The following ATP10B variants were observed in gnomAD, a reference collection of about 807,000 sequenced individuals.
ATP10B encodes the protein phospholipid-transporting ATPase VB.
ATP10B carries 122 observed loss-of-function variants against 141.2 expected under a neutral mutation model. The observed-to-expected ratio is 0.86, with a 90% CI of 0.75 to 1.00. The LOEUF is 1.00. Ranked by LOEUF, ATP10B falls within the 50% of genes least tolerant of loss-of-function variation. The pLI is 0.00. For missense variants in ATP10B, 1,876 were observed against 1,825.3 expected, an observed-to-expected ratio of 1.03 and a Z score of -0.51; for synonymous variants, 685 against 692.0, an observed-to-expected ratio of 0.99 and a Z score of 0.16.
rs201774163 is a variant in ATP10B, at chr5:160,580,697, CT to C, written c.3750+8894del. Among the ~76,000 whole-genome samples, 1,107 of 152,262 alleles carry C rather than the reference CT, an allele frequency of 7.3e-3. 13 individuals carry two copies. Among genetic ancestry groups the C allele is most frequent in the African/African-American group, 0.024 (1,000 of 41,548 alleles). On this transcript the variant is annotated intron_variant, in intron 24 of 25. Coordinates refer to ENST00000327245, the MANE Select transcript of ATP10B (RefSeq NM_025153.3). ...TAAAATGAGTTAGGGAGGAGTCCCTCTTTTTTTATTGTTTGGAATAGTTTCA... is the reference window on the plus strand; with the variant it reads ...TAAAATGAGTTAGGGAGGAGTCCCTCTTTTTTATTGTTTGGAATAGTTTCA...
chr5:160,629,540 G>C (rs1758798596), intron 13 of ATP10B, among the ~76,000 whole-genome samples: 1 of 152,114 alleles, frequency 6.6e-6, no homozygotes, highest in Non-Finnish European at 1.5e-5. Context: ...TCAGGGGAGA[G>C]AGTTCAACAA....
intron 21 of ATP10B, 95 bp downstream of exon 21, chr5:160,602,482 T>C (rs761847373): frequency 5.2e-6 from 8 of 1,544,288 alleles, no homozygotes; most frequent in Admixed American, 1.8e-5. Flanking sequence ...CTCCTTCCTT[T>C]ATGCTGAGGT....
intron 25 of ATP10B, 99 bp downstream of exon 25, chr5:160,569,397 G>A (rs1348370110): frequency 8.7e-7 from 1 of 1,155,446 alleles, no homozygotes; most frequent in East Asian, 2.5e-5. Flanking sequence ...CCTCAAGGAT[G>A]CCAGCAGAAG....
chr5:160,573,772 G>T (rs1312188519), intron 24 of ATP10B, among the ~76,000 whole-genome samples: 2 of 152,126 alleles, frequency 1.3e-5, no homozygotes, highest in Non-Finnish European at 2.9e-5. Context: ...CAAAAAGGTT[G>T]GGGACCACTG....
chr5:160,586,955 G>A (rs570970020), intron 24 of ATP10B, among the ~76,000 whole-genome samples: 2 of 152,194 alleles, frequency 1.3e-5, no homozygotes, highest in South Asian at 2.1e-4. Flanking sequence ...ATGTGCAGAA[G>A]CTCTTTAGTT....
chr5:160,878,248 TC>T, the ATP10B span, among the ~76,000 whole-genome samples: 1 of 151,422 alleles, frequency 6.6e-6, no homozygotes, highest in Admixed American at 6.6e-5. Flanking sequence ...AACTATCTGA[TC>T]TTTGACAAAC....
intron 1 of ATP10B, among the ~76,000 whole-genome samples, chr5:160,787,105 GACACACACACACACAC>G (rs58517660): frequency 0.038 from 5,076 of 133,642 alleles, 230 homozygotes; most frequent in East Asian, 0.24. Context: ...TTTTGACACA[GACACACACACACACAC>G]ACACACACAC....
At chr5:160,804,141 A>C (rs543364358) in intron 1 of ATP10B, among the ~76,000 whole-genome samples, 1 of 152,286 alleles carries the variant, frequency 6.6e-6, no homozygotes, top group Admixed American at 6.5e-5. Context: ...ATTTGGCCAA[A>C]TAGCTACTTC....
Position 160,686,243 on chromosome 5 carries a change from C to T in ATP10B, c.306G>A (p.Val102=). The change falls in exon 6 of 26, where the codon GTG becomes GTA. Residue 102 remains valine (V), a synonymous_variant. Coordinates refer to ENST00000327245, the MANE Select transcript of ATP10B (RefSeq NM_025153.3). The part of the protein sequence containing the change: ...RWANLYFLFL[V]ILNWMPSMEV... Reference sequence around the variant, plus strand: ...CCATGGAGGGCATCCAGTTCAAAATCACCAGGAACAGGAAATAGAGGTTAG... The same window carrying T: ...CCATGGAGGGCATCCAGTTCAAAATTACCAGGAACAGGAAATAGAGGTTAG... 8.1e-6 allele frequency: 13 copies of T among 1,604,880 alleles called. No homozygotes were observed. The highest frequency in any genetic ancestry group is 1.1e-5 in the Non-Finnish European group (13 of 1,173,550).
At chr5:160,653,637 TACATATATATTA>T (rs1761150640) in intron 7 of ATP10B, among the ~76,000 whole-genome samples, 1 of 87,562 alleles carries the variant, frequency 1.1e-5, no homozygotes, top group African/African-American at 4.6e-5. Context: ...TATACATATA[TACATATATATTA>T]TATATACATA....
intron 1 of ATP10B, among the ~76,000 whole-genome samples, chr5:160,826,308 G>A (rs568509326): frequency 6.6e-6 from 1 of 152,264 alleles, no homozygotes; most frequent in Admixed American, 6.5e-5. Context: ...GTTGCGGGAA[G>A]TCAGGGACCC....
At chr5:160,595,913 C>A (rs1581172265) in intron 22 of ATP10B, among the ~76,000 whole-genome samples, 1 of 151,740 alleles carries the variant, frequency 6.6e-6, no homozygotes, top group Non-Finnish European at 1.5e-5. Flanking sequence ...GCTTACCAAC[C>A]AAAAAGAGTC....
intron 1 of ATP10B, among the ~76,000 whole-genome samples, chr5:160,832,076 TC>T (rs1775118701): frequency 1.3e-5 from 2 of 151,878 alleles, no homozygotes; most frequent in Non-Finnish European, 1.5e-5. Context: ...CCAGCATTTG[TC>T]AACAAGTAAT....
intron 2 of ATP10B, among the ~76,000 whole-genome samples, chr5:160,728,849 A>G (rs1316338744): frequency 6.6e-6 from 1 of 152,174 alleles, no homozygotes; most frequent in Non-Finnish European, 1.5e-5. Flanking sequence ...TGTTTGAGTA[A>G]CAAGCCCCTG....
chr5:160,843,612 T>C (rs773432599), intron 1 of ATP10B, among the ~76,000 whole-genome samples: 19 of 151,824 alleles, frequency 1.3e-4, no homozygotes, highest in Non-Finnish European at 2.2e-4. Flanking sequence ...AAAAATCTGA[T>C]AGAGATTTCC....
the ATP10B span, among the ~76,000 whole-genome samples, chr5:160,876,459 T>C: frequency 1.8e-4 from 27 of 148,156 alleles, no homozygotes; most frequent in East Asian, 6.1e-4. Flanking sequence ...GACACCCTAA[T>C]ATCACAATTA....
At chr5:160,783,571 A>G (rs936083021) in intron 2 of ATP10B, among the ~76,000 whole-genome samples, 13 of 124,182 alleles carry the variant, frequency 1.0e-4, no homozygotes, top group Non-Finnish European at 1.7e-5. Flanking sequence ...ATACACACAC[A>G]CACACACACA....
intron 3 of ATP10B, among the ~76,000 whole-genome samples, chr5:160,693,415 C>G (rs920381243): frequency 4.3e-4 from 53 of 124,054 alleles, no homozygotes; most frequent in Non-Finnish European, 7.9e-4. Flanking sequence ...CACACACACA[C>G]ACACACACAC....
chr5:160,733,635 A>C (rs563356869), intron 2 of ATP10B, among the ~76,000 whole-genome samples: 4 of 151,522 alleles, frequency 2.6e-5, no homozygotes, highest in Admixed American at 1.3e-4. Flanking sequence ...ACATATATGT[A>C]ACACATATGT....
Sources: allele counts gnomAD v4.1 joint callset (sites outside exome capture counted in the v4.1 genomes callset), GRCh38; gene constraint gnomAD v4.1.1; transcripts MANE v1.5; gene names NCBI Gene and HGNC (gene_info 2026-07-23, HGNC 2026-07-21).